ZSCAN30: variants seen among roughly 807,000 people sequenced by gnomAD.
The protein encoded by ZSCAN30 is zinc finger and SCAN domain containing 30, also known as zinc finger and SCAN domain-containing protein 30.
ZSCAN30 carries 37 observed loss-of-function variants against 44.3 expected under a neutral mutation model. That is an observed-to-expected ratio of 0.84 (90% CI 0.64 to 1.10). The LOEUF is 1.10. ZSCAN30 is among the 50% of genes least tolerant of loss of function. ZSCAN30 has a pLI of 0.00. For synonymous variants in ZSCAN30, 181 were observed against 204.6 expected, an observed-to-expected ratio of 0.88 and a Z score of 0.98; for missense variants, 549 against 582.6, an observed-to-expected ratio of 0.94 and a Z score of 0.59.
intron 1 of ZSCAN30, among the ~76,000 whole-genome samples, chr18:35,286,209 A>G (rs1449886361): frequency 6.6e-6 from 1 of 152,102 alleles, no homozygotes; most frequent in Non-Finnish European, 1.5e-5. Context: ...CCACAAAAAA[A>G]CTCTAGGTCC....
intron 1 of ZSCAN30, among the ~76,000 whole-genome samples, chr18:35,288,073 G>A (rs755711018): frequency 3.6e-4 from 55 of 151,792 alleles, no homozygotes; most frequent in Non-Finnish European, 6.8e-4. Flanking sequence ...GGGTGTCACC[G>A]CGTTGCCCAG....
At position 35,254,230 on chromosome 18, in the gene ZSCAN30, A is replaced by G. The variant is rs2043707461; in HGVS notation, c.705T>C (p.Ser235=). The G allele has an allele frequency of 3.1e-6, 5 of 1,614,032 alleles. No homozygotes were observed. In the African/African-American group the frequency reaches 4.0e-5, roughly 13 times the overall value. ...CTGCAGCATTTCCCTTTTGCTTCTT[A>G]GAGTTGTCCAGACCTCCCAAAGCTT... is the stretch of plus-strand genomic sequence containing the variant. ...AEEALGGLDN[S]KKQKGNAAGN... Residue 235 remains serine, a synonymous_variant, in exon 4 of 4, where the codon TCT becomes TCC. Coordinates refer to ENST00000333206, the MANE Select transcript of ZSCAN30 (RefSeq NM_001112734.4).
Position 35,254,136 on chromosome 18 carries a change from G to T in ZSCAN30, c.799C>A (p.Pro267Thr). ...FSLATFNRRI[P>T]TEHSVLESHE... ...GATTCAAGGACACTGTGTTCTGTGG[G>T]GATTCTTCTGTTGAAGGTTGCCAGA... is the stretch of plus-strand genomic sequence containing the variant. The change falls in exon 4 of 4, where the codon CCC becomes ACC. Residue 267 changes from proline to threonine, a missense_variant. Coordinates refer to ENST00000333206, the MANE Select transcript of ZSCAN30 (RefSeq NM_001112734.4). The T allele has an allele frequency of 6.2e-7, 1 of 1,614,118 alleles. No homozygotes were observed. The highest frequency in any genetic ancestry group is 8.5e-7 in the Non-Finnish European group (1 of 1,179,986).
rs568022526 is a variant in ZSCAN30, at chr18:35,263,567, A to G, written c.499T>C (p.Leu167=). ...GTCTCAGTCTTGCACTGGTTCTCTAAGGGCTGCACCGGGCTATTCAGAGAC... is the reference window on the plus strand; with the variant it reads ...GTCTCAGTCTTGCACTGGTTCTCTAGGGGCTGCACCGGGCTATTCAGAGAC... ...SLSLNSPVQP[L]ENQCKTETQE... is the part of the protein sequence containing the mutation. Residue 167 remains leucine, a synonymous_variant, in exon 3 of 4, where the codon TTA becomes CTA. Coordinates refer to ENST00000333206, the MANE Select transcript of ZSCAN30 (RefSeq NM_001112734.4). 6.4e-5 allele frequency: 103 copies of G among 1,614,046 alleles called. No individual in the cohort carries two copies. Among genetic ancestry groups the G allele is most frequent in the Non-Finnish European group, 8.6e-5 (101 of 1,180,048 alleles).
Position 35,256,804 on chromosome 18 carries a change from T to C in ZSCAN30, c.554-2423A>G, listed in dbSNP as rs2043840409. On this transcript the variant is annotated intron_variant, in intron 3 of 3. Coordinates refer to ENST00000333206, the MANE Select transcript of ZSCAN30 (RefSeq NM_001112734.4). Reference sequence around the variant, plus strand: ...TTTGTTTGTTTTTGAAACAGAGTCTTGCTCTGTCACTCAGGCTGGAGTTCA... The same window carrying C: ...TTTGTTTGTTTTTGAAACAGAGTCTCGCTCTGTCACTCAGGCTGGAGTTCA... Among the ~76,000 whole-genome samples, 3 of 152,278 alleles carry C rather than the reference T, an allele frequency of 2.0e-5. 1 individual carries two copies. The highest frequency in any genetic ancestry group is 2.0e-4 in the Admixed American group (3 of 15,296).
At chr18:35,288,364 G>A (rs552606122) in intron 1 of ZSCAN30, among the ~76,000 whole-genome samples, 2 of 152,262 alleles carry the variant, frequency 1.3e-5, no homozygotes, top group South Asian at 2.1e-4. Flanking sequence ...TGGAGGAACC[G>A]GAACTCTCAT....
intron 1 of ZSCAN30, among the ~76,000 whole-genome samples, chr18:35,280,198 C>T (rs2044431209): frequency 6.6e-6 from 1 of 151,626 alleles, no homozygotes; most frequent in African/African-American, 2.4e-5. Context: ...ATCACTTAAG[C>T]CCAGGAGGTT....
chr18:35,270,167 T>C (rs775024386), intron 1 of ZSCAN30: 4 of 152,238 alleles, frequency 2.6e-5, no homozygotes, highest in South Asian at 2.1e-4. Context: ...AGTATCAATT[T>C]TGGTCAACTA....
intron 1 of ZSCAN30, chr18:35,269,914 T>G (rs2044236943): frequency 6.6e-6 from 1 of 151,802 alleles, no homozygotes; most frequent in African/African-American, 2.4e-5. Flanking sequence ...CAGAACATAC[T>G]CAATTTGTTC....
chr18:35,271,531 C>T (rs573289510), intron 1 of ZSCAN30, among the ~76,000 whole-genome samples: 85 of 18,640 alleles, frequency 4.6e-3, no homozygotes, highest in African/African-American at 0.013. Flanking sequence ...ATACAACTCT[C>T]TGGCTAGACA....
rs201609495 is a variant in ZSCAN30 at position 35,264,028 on chromosome 18, G to A, written c.325C>T (p.Arg109Ter). ...ILPEELQAWL[R>*]EHRPENGEEA... ...TCTCCATTCTCTGGCCGATGCTCTC[G>A]CAGCCAAGCTTGCAGCTCCTCAGGA... Residue 109 changes from arginine (R) to a stop codon, truncating the protein, a stop_gained, in exon 2 of 4, where the codon CGA becomes TGA. Transcript: ENST00000333206. LOFTEE classifies it high-confidence loss of function. 235 of 1,614,114 alleles carry A rather than the reference G, an allele frequency of 1.5e-4. No homozygotes were observed. The highest frequency in any genetic ancestry group is 1.2e-3 in the East Asian group (56 of 44,886).
chr18:35,286,317 T>C (rs2044548379), intron 1 of ZSCAN30, among the ~76,000 whole-genome samples: 2 of 152,184 alleles, frequency 1.3e-5, no homozygotes, highest in South Asian at 4.1e-4. Context: ...GGGATGCTTT[T>C]TGAATCATTC....
chr18:35,261,771 C>T (rs905923421), intron 3 of ZSCAN30: 1 of 152,160 alleles, frequency 6.6e-6, no homozygotes, highest in African/African-American at 2.4e-5. Context: ...GTAGTTGCTT[C>T]TTGGCTTAAG....
chr18:35,272,633 C>T (rs2044304261), intron 1 of ZSCAN30, among the ~76,000 whole-genome samples: 1 of 152,232 alleles, frequency 6.6e-6, no homozygotes. Context: ...GCATGAGCCT[C>T]CGTGCCCGGC....
chr18:35,277,847 C>G (rs577985805), intron 1 of ZSCAN30, among the ~76,000 whole-genome samples: 1 of 152,216 alleles, frequency 6.6e-6, no homozygotes, highest in African/African-American at 2.4e-5. Flanking sequence ...CAAAAGATGA[C>G]TGTACTTCCT....
At position 35,253,203 on chromosome 18, in the gene ZSCAN30, C is replaced by G. The variant is rs899488569; in HGVS notation, c.*247G>C. 8.3e-6 allele frequency: 3 copies of G among 361,926 alleles called. No homozygotes were observed. Among genetic ancestry groups the G allele is most frequent in the Non-Finnish European group, 1.5e-5 (3 of 199,002 alleles). The allele number at this position is 361,926 out of a possible 1,614,324, so 22.4% of individuals were successfully genotyped here. On this transcript the variant is annotated 3_prime_UTR_variant, in exon 4 of 4. Transcript: ENST00000333206. ...GAAGGGGATATTGATGAGTCTCATC[C>G]AGAAATGGGTTAGGCATTTCAAGGA...
chr18:35,259,681 A>C (rs1048612932), intron 3 of ZSCAN30: 2 of 154,306 alleles, frequency 1.3e-5, no homozygotes, highest in Non-Finnish European at 2.9e-5. Context: ...CAGCTTCAAC[A>C]TATGAATTTT....
At chr18:35,260,943 G>A (rs1165227658) in intron 3 of ZSCAN30, 1 of 152,048 alleles carries the variant, frequency 6.6e-6, no homozygotes, top group Non-Finnish European at 1.5e-5. Context: ...TGTCCTGAAT[G>A]GTATTACCTA....
intron 1 of ZSCAN30, among the ~76,000 whole-genome samples, chr18:35,279,404 G>A (rs2044417405): frequency 6.6e-6 from 1 of 152,150 alleles, no homozygotes; most frequent in African/African-American, 2.4e-5. Flanking sequence ...TGTCTCCTCT[G>A]TGTCTGAATT....
Sources: gnomAD v4.1 joint callset for allele counts (sites outside exome capture counted in the v4.1 genomes callset) on GRCh38, gnomAD v4.1.1 for gene constraint, MANE v1.5 for transcripts, NCBI Gene and HGNC (gene_info 2026-07-23, HGNC 2026-07-21) for gene names.